Variants in TPCN2 observed in about 807,000 individuals in gnomAD.
TPCN2 encodes the protein two pore channel protein 2.
TPCN2 carries 92 observed loss-of-function variants against 111.4 expected under a neutral mutation model. The observed-to-expected ratio is 0.83, with a 90% CI of 0.70 to 0.98. The LOEUF is 0.98. TPCN2 is among the 50% of genes least tolerant of loss of function. The probability of loss-of-function intolerance (pLI) is 0.00; values close to 1 mark genes in which losing one functional copy is unlikely to be tolerated. For missense variants in TPCN2, 995 were observed against 980.1 expected, an observed-to-expected ratio of 1.02 and a Z score of -0.20; for synonymous variants, 405 against 414.5, an observed-to-expected ratio of 0.98 and a Z score of 0.28.
chr11:69,057,721 G>A, intron 5 of TPCN2, 27 bp downstream of exon 5: 1 of 1,604,358 alleles, frequency 6.2e-7, no homozygotes, highest in Non-Finnish European at 8.5e-7. Context: ...CCCTGAGACA[G>A]ATGGAGAGAT....
In TPCN2 at chr11:69,086,583, G is replaced by C; in HGVS notation, c.2064G>C (p.Leu688=). The C allele has an allele frequency of 6.2e-7, 1 of 1,614,122 alleles. No homozygotes were observed. The highest frequency in any genetic ancestry group is 1.7e-4 in the Middle Eastern group (1 of 6,060). Residue 688 remains leucine, a synonymous_variant, in exon 23 of 25, where the codon CTG becomes CTC. Coordinates refer to ENST00000294309, the MANE Select transcript of TPCN2 (RefSeq NM_139075.4). ...TGTCGTCTGTCATCTGGGTCAACCTGTTTCTGGCCCTGATTCTGGAGGTAT... is the reference window on the plus strand; with the variant it reads ...TGTCGTCTGTCATCTGGGTCAACCTCTTTCTGGCCCTGATTCTGGAGGTAT... ...WLVSSVIWVN[L]FLALILENFL... is the part of the protein sequence containing the mutation.
chr11:69,087,755 CTG>C, intron 24 of TPCN2, 118 bp from the exon 25 acceptor site: 2 of 706,752 alleles, frequency 2.8e-6, no homozygotes, highest in Non-Finnish European at 4.8e-6. Flanking sequence ...CCCCGTGTCT[CTG>C]TGTCCCTGTG....
chr11:69,072,429 A>G (rs1346907969), intron 11 of TPCN2, among the ~76,000 whole-genome samples, 198 bp from the exon 12 acceptor site: 1 of 151,608 alleles, frequency 6.6e-6, no homozygotes, highest in Admixed American at 6.6e-5. Context: ...GACTGCTCAT[A>G]GTGGTGAAGT....
At chr11:69,059,738 G>A (rs558075442) in intron 5 of TPCN2, among the ~76,000 whole-genome samples, 1 of 152,378 alleles carries the variant, frequency 6.6e-6, no homozygotes, top group South Asian at 2.1e-4. Flanking sequence ...TGGGAGAGGC[G>A]TTGGAGGCAG....
At chr11:69,075,001 G>A (rs531196228) in intron 13 of TPCN2, among the ~76,000 whole-genome samples, 2 of 152,332 alleles carry the variant, frequency 1.3e-5, no homozygotes. Flanking sequence ...TGTGGAGGAA[G>A]GGCGGATGGA....
At position 69,079,015 on chromosome 11, in the gene TPCN2, C is replaced by G; in HGVS notation, c.1534C>G (p.Leu512Val). The change falls in exon 16 of 25, where the codon CTG (leucine) becomes GTG (valine). Residue 512 changes from leucine (L) to valine (V), a missense_variant. By Grantham distance (32) the Leu-to-Val change is conservative (BLOSUM62 1). Transcript: ENST00000294309. ...NVFDGLLTVVLLVLEISTLAV... is the reference protein window; with the variant it reads ...NVFDGLLTVVVLVLEISTLAV... ...GTTTGACGGGCTCCTCACCGTTGTC[C>G]TGCTGGTAAAGTAGGCGCATCCGAG... 1 of 1,610,160 alleles carries G rather than the reference C, an allele frequency of 6.2e-7. No homozygotes were observed. The highest frequency in any genetic ancestry group is 8.5e-7 in the Non-Finnish European group (1 of 1,177,976).
At chr11:69,058,979 G>A (rs1401874202) in intron 5 of TPCN2, among the ~76,000 whole-genome samples, 5 of 152,218 alleles carry the variant, frequency 3.3e-5, no homozygotes, top group Non-Finnish European at 7.3e-5. Context: ...ACAGGTCTAC[G>A]TTACAAGCAA....
At chr11:69,084,193 A>G (rs1590753085) in intron 19 of TPCN2, among the ~76,000 whole-genome samples, 177 bp downstream of exon 19, 1 of 152,200 alleles carries the variant, frequency 6.6e-6, no homozygotes, top group Admixed American at 6.5e-5. Context: ...AGCCAGAGGC[A>G]TCCCCTTCTT....
At chr11:69,061,902 G>T (rs150244184) in intron 5 of TPCN2, among the ~76,000 whole-genome samples, 128 of 152,236 alleles carry the variant, frequency 8.4e-4, no homozygotes, top group African/African-American at 2.9e-3. Flanking sequence ...CAGAAGGAAG[G>T]CAGGGAAGAT....
At chr11:69,081,563 GGT>G in intron 18 of TPCN2, 64 bp downstream of exon 18, 1 of 1,305,888 alleles carries the variant, frequency 7.7e-7, no homozygotes, top group Non-Finnish European at 1.1e-6. Flanking sequence ...GTTGCTCCAG[GGT>G]GGGTGAGCCT....
At chr11:69,049,889 A>T (rs934159482) in intron 1 of TPCN2, among the ~76,000 whole-genome samples, 3 of 151,998 alleles carry the variant, frequency 2.0e-5, no homozygotes, top group Non-Finnish European at 2.9e-5. Context: ...CACTTCACAG[A>T]TGAGGAAACT....
chr11:69,084,612 C>T (rs904158653), intron 19 of TPCN2: 65 of 985,310 alleles, frequency 6.6e-5, no homozygotes, highest in Non-Finnish European at 7.3e-5. Flanking sequence ...TGACAGGAGG[C>T]GCCCTTTGCA....
chr11:69,073,764 G>C (rs536029434), intron 13 of TPCN2, among the ~76,000 whole-genome samples: 130 of 152,294 alleles, frequency 8.5e-4, no homozygotes, highest in African/African-American at 3.1e-3. Context: ...CCTCACCTGA[G>C]GCCTCTCTCC....
Position 69,071,335 on chromosome 11 carries a change from C to T in TPCN2, c.896-21C>T, listed in dbSNP as rs552717039. The stretch of plus-strand genomic sequence containing the variant: ...CTGCTGTACTGGTGGCGCCCCTGAC[C>T]GTGGCTGTCTCCTCTTGAAGGAAGC... On this transcript the variant is annotated intron_variant, in intron 9 of 24. Coordinates refer to ENST00000294309, the MANE Select transcript of TPCN2 (RefSeq NM_139075.4). 9.5e-5 allele frequency: 153 copies of T among 1,611,286 alleles called. 3 individuals carry two copies. Among genetic ancestry groups the T allele is most frequent in the South Asian group, 5.7e-4 (52 of 90,558 alleles).
chr11:69,054,280 C>T (rs1426123397), intron 2 of TPCN2, 183 bp downstream of exon 2: 7 of 604,452 alleles, frequency 1.2e-5, no homozygotes, highest in Admixed American at 2.9e-5. Flanking sequence ...TCTTCTGCAT[C>T]CTGGACGCAT....
intron 7 of TPCN2, among the ~76,000 whole-genome samples, chr11:69,064,861 G>A (rs1482853299): frequency 6.6e-6 from 1 of 151,802 alleles, no homozygotes; most frequent in African/African-American, 2.4e-5. Flanking sequence ...TAGGTGTATG[G>A]TGTTTATGTC....
At chr11:69,081,292 GCCC>G (rs1855997211) in intron 17 of TPCN2, 105 bp from the exon 18 acceptor site, 2 of 683,522 alleles carry the variant, frequency 2.9e-6, no homozygotes, top group Non-Finnish European at 5.0e-6. Flanking sequence ...CTCCCGTCAT[GCCC>G]TGTTGCCCTC....
intron 1 of TPCN2, among the ~76,000 whole-genome samples, chr11:69,049,726 C>G (rs904367592): frequency 6.6e-6 from 1 of 152,186 alleles, no homozygotes; most frequent in Non-Finnish European, 1.5e-5. Flanking sequence ...CCTCTGCCAC[C>G]CCAGAGTCCC....
chr11:69,081,565 T>C, intron 18 of TPCN2, 66 bp downstream of exon 18: 1 of 1,239,744 alleles, frequency 8.1e-7, no homozygotes, highest in African/African-American at 1.5e-5. Context: ...TGCTCCAGGG[T>C]GGGTGAGCCT....
Sources: gnomAD v4.1 joint callset for allele counts (sites outside exome capture counted in the v4.1 genomes callset) on GRCh38, gnomAD v4.1.1 for gene constraint, MANE v1.5 for transcripts, NCBI Gene and HGNC (gene_info 2026-07-23, HGNC 2026-07-21) for gene names.